The following MRPS31 variants were observed in gnomAD, a reference collection of about 807,000 sequenced individuals.
The protein encoded by MRPS31 is mitochondrial ribosomal protein S31, also known as small ribosomal subunit protein mS31.
A neutral mutation model predicts 43.1 loss-of-function variants in MRPS31; 32 were observed. That is an observed-to-expected ratio of 0.74 (90% confidence interval 0.56 to 1.00). MRPS31 has a LOEUF of 1.00. Among genes scored for constraint, MRPS31 ranks in the 50% least tolerant of loss-of-function variants. The pLI, the probability that MRPS31 is intolerant of heterozygous loss-of-function variation, is 0.00. For synonymous variants in MRPS31, 165 were observed against 161.6 expected (o/e 1.02, Z -0.16); for missense variants, 437 against 466.7 (o/e 0.94, Z 0.59).
intron 6 of MRPS31, among the ~76,000 whole-genome samples, chr13:40,729,949 C>T (rs182913140): frequency 6.6e-5 from 10 of 151,766 alleles, no homozygotes; most frequent in Admixed American, 5.9e-4. Context: ...AGGCTGGTCT[C>T]GAACTCCTGA....
intron 6 of MRPS31, among the ~76,000 whole-genome samples, chr13:40,733,959 C>CAA (rs61512285): frequency 3.5e-4 from 20 of 56,636 alleles, no homozygotes; most frequent in South Asian, 7.8e-4. Flanking sequence ...GACTCTGACT[C>CAA]AAAAAAAAAA....
intron 6 of MRPS31, among the ~76,000 whole-genome samples, chr13:40,739,569 T>A (rs1362698447): frequency 6.6e-6 from 1 of 152,138 alleles, no homozygotes; most frequent in Non-Finnish European, 1.5e-5. Flanking sequence ...CAAAACAGCA[T>A]GGTACTGGTA....
intron 6 of MRPS31, among the ~76,000 whole-genome samples, chr13:40,736,584 C>T (rs1450310412): frequency 5.3e-5 from 8 of 151,090 alleles, no homozygotes; most frequent in East Asian, 3.9e-4. Context: ...GCGGATCTCT[C>T]GGCAGAAACC....
chr13:40,770,907 G>A (rs946810900), intron 1 of MRPS31, 78 bp downstream of exon 1: 67 of 1,559,432 alleles, frequency 4.3e-5, no homozygotes, highest in Non-Finnish European at 5.9e-5. Flanking sequence ...TAGCTTCTAA[G>A]ACCCAGCAGG....
intron 3 of MRPS31, among the ~76,000 whole-genome samples, chr13:40,758,012 G>A (rs1420843781): frequency 6.6e-5 from 10 of 151,592 alleles, no homozygotes; most frequent in East Asian, 2.0e-4. Flanking sequence ...GCATGGTGGC[G>A]GGCACCTGTA....
intron 6 of MRPS31, among the ~76,000 whole-genome samples, chr13:40,742,597 T>C (rs1204406144): frequency 6.6e-6 from 1 of 152,228 alleles, no homozygotes; most frequent in Non-Finnish European, 1.5e-5. Context: ...CACACTATAC[T>C]TGCCCAAATA....
intron 6 of MRPS31, among the ~76,000 whole-genome samples, chr13:40,731,552 A>C (rs1879699226): frequency 6.6e-6 from 1 of 151,428 alleles, no homozygotes; most frequent in African/African-American, 2.4e-5. Context: ...ACTGCACTCC[A>C]GCCTGGGCAA....
chr13:40,756,905 A>G lies in MRPS31; in HGVS notation c.708T>C (p.Pro236=). Residue 236 remains proline, a synonymous_variant, in exon 4 of 7, where the codon CCT becomes CCC. Transcript: ENST00000323563. ...IQFDEGYDNY[P]GQEKTDDLKK... ...TAAGATCATCCGTCTTCTCCTGGCC[A>G]GGATAATTGTCATAGCCTTCATCAA... 1 of 1,613,908 alleles carries G rather than the reference A, an allele frequency of 6.2e-7. No individual in the cohort carries two copies. Among genetic ancestry groups the G allele is most frequent in the Non-Finnish European group, 8.5e-7 (1 of 1,179,930 alleles).
At chr13:40,735,302 T>G (rs937751868) in intron 6 of MRPS31, among the ~76,000 whole-genome samples, 3 of 152,198 alleles carry the variant, frequency 2.0e-5, no homozygotes, top group Admixed American at 1.3e-4. Context: ...TCTCGCTGAT[T>G]GCTAGCACAG....
chr13:40,756,607 A>G (rs894696702), intron 4 of MRPS31, among the ~76,000 whole-genome samples: 4 of 152,214 alleles, frequency 2.6e-5, no homozygotes, highest in Non-Finnish European at 5.9e-5. Flanking sequence ...CTTACTCTAA[A>G]TGAAAGGACC....
intron 5 of MRPS31, 25 bp from the exon 6 acceptor site, chr13:40,749,306 A>T (rs1216602298): frequency 6.6e-7 from 1 of 1,524,210 alleles, no homozygotes; most frequent in East Asian, 2.5e-5. Flanking sequence ...CATTTTAGAT[A>T]ACAACAAGTC....
intron 5 of MRPS31, among the ~76,000 whole-genome samples, chr13:40,751,714 G>A (rs1425932148): frequency 6.6e-6 from 1 of 152,096 alleles, no homozygotes; most frequent in Non-Finnish European, 1.5e-5. Flanking sequence ...CTAAATTTAC[G>A]TTTCCACATT....
intron 6 of MRPS31, among the ~76,000 whole-genome samples, chr13:40,732,815 A>C (rs1474066257): frequency 6.6e-6 from 1 of 152,044 alleles, no homozygotes; most frequent in Non-Finnish European, 1.5e-5. Flanking sequence ...GTTAGGCATG[A>C]GCATATGTTT....
chr13:40,737,545 T>C (rs983684006), intron 6 of MRPS31, among the ~76,000 whole-genome samples: 38 of 152,112 alleles, frequency 2.5e-4, no homozygotes, highest in Non-Finnish European at 4.1e-4. Context: ...AAAGCTCTCC[T>C]CAGCAAATGT....
intron 6 of MRPS31, among the ~76,000 whole-genome samples, chr13:40,741,203 T>TA: frequency 6.6e-6 from 1 of 152,092 alleles, no homozygotes; most frequent in African/African-American, 2.4e-5. Flanking sequence ...TAATAGGTGA[T>TA]AAAAAGAACT....
chr13:40,748,149 T>C (rs1379026358), intron 6 of MRPS31, among the ~76,000 whole-genome samples: 3 of 151,846 alleles, frequency 2.0e-5, no homozygotes, highest in African/African-American at 4.8e-5. Context: ...TAAATGAATC[T>C]TTTTTTGTTT....
intron 6 of MRPS31, among the ~76,000 whole-genome samples, chr13:40,744,465 T>A (rs1442459407): frequency 1.3e-5 from 2 of 152,182 alleles, no homozygotes; most frequent in Non-Finnish European, 2.9e-5. Flanking sequence ...TTGAAAAAAA[T>A]AATTTCCAAT....
intron 2 of MRPS31, among the ~76,000 whole-genome samples, chr13:40,760,623 A>AT (rs1009591159): frequency 2.0e-5 from 3 of 146,992 alleles, no homozygotes; most frequent in Non-Finnish European, 3.0e-5. Context: ...TATTTACAAC[A>AT]TTTTTTCCTT....
rs186085462 is a variant in MRPS31, at chr13:40,748,748, G to A, written c.958+390C>T. ...GGTTTTATGACTAAAGGACACCAGCGTGAGACTTTTAAGAGTTGTAATGTT... is the reference window on the plus strand; with the variant it reads ...GGTTTTATGACTAAAGGACACCAGCATGAGACTTTTAAGAGTTGTAATGTT... On this transcript the variant is annotated intron_variant, in intron 6 of 6. Transcript: ENST00000323563. Among the ~76,000 whole-genome samples, 528 of 152,230 alleles carry A rather than the reference G, an allele frequency of 3.5e-3. 5 individuals are homozygous for A. Among genetic ancestry groups the A allele is most frequent in the African/African-American group, 0.012 (501 of 41,522 alleles).
Sources: allele counts gnomAD v4.1 joint callset (sites outside exome capture counted in the v4.1 genomes callset), GRCh38; gene constraint gnomAD v4.1.1; transcripts MANE v1.5; gene names NCBI Gene and HGNC (gene_info 2026-07-23, HGNC 2026-07-21).